The following SLC12A2 variants were observed in gnomAD, a reference collection of about 807,000 sequenced individuals.
SLC12A2 encodes the protein solute carrier family 12 member 2.
In SLC12A2, 67 loss-of-function variants were observed where a neutral mutation model predicts 136.3. The observed-to-expected ratio is 0.49, with a 90% CI of 0.40 to 0.60. The LOEUF is 0.60. Ranked by LOEUF, SLC12A2 falls within the 20% of genes least tolerant of loss-of-function variation. SLC12A2 has a pLI of 0.00. For synonymous variants in SLC12A2, 619 were observed against 562.9 expected, an observed-to-expected ratio of 1.10 and a Z score of -1.41; for missense variants, 1,322 against 1,534.7, an observed-to-expected ratio of 0.86 and a Z score of 2.32.
chr5:128,126,173 C>A (rs1761787093), intron 4 of SLC12A2, among the ~76,000 whole-genome samples: 2 of 151,912 alleles, frequency 1.3e-5, no homozygotes, highest in South Asian at 4.2e-4. Context: ...CAATTTCTGC[C>A]CAAAAAATTG....
chr5:128,115,675 A>G (rs1476273682), intron 4 of SLC12A2, among the ~76,000 whole-genome samples: 1 of 152,194 alleles, frequency 6.6e-6, no homozygotes, highest in Non-Finnish European at 1.5e-5. Flanking sequence ...AGCACCTGTA[A>G]AGTCATGGTA....
intron 24 of SLC12A2, 78 bp downstream of exon 24, chr5:128,183,019 G>C: frequency 1.1e-6 from 1 of 875,844 alleles, no homozygotes; most frequent in Non-Finnish European, 1.8e-6. Context: ...AAAACCCAGA[G>C]ATTTTTTTCC....
chr5:128,153,654 T>C (rs746329460), intron 15 of SLC12A2, among the ~76,000 whole-genome samples: 4 of 152,226 alleles, frequency 2.6e-5, no homozygotes, highest in Non-Finnish European at 5.9e-5. Flanking sequence ...GGCTTCTGCA[T>C]GATAAACACA....
At chr5:128,107,779 G>T (rs1018239256) in intron 1 of SLC12A2, among the ~76,000 whole-genome samples, 1 of 152,142 alleles carries the variant, frequency 6.6e-6, no homozygotes, top group African/African-American at 2.4e-5. Flanking sequence ...ATAGTAGAAT[G>T]ATTTATAATC....
chr5:128,131,147 G>C lies in SLC12A2; in HGVS notation c.1129G>C (p.Ala377Pro). Residue 377 changes from alanine (A) to proline (P), a missense_variant, in exon 5 of 27, where the codon GCT (alanine) becomes CCT (proline). By Grantham distance (27) the Ala-to-Pro change is conservative. This residue lies in a region of SLC12A2 where 71 missense variants were observed against 131.0 expected (regional missense o/e 0.54). Coordinates refer to ENST00000262461, the MANE Select transcript of SLC12A2 (RefSeq NM_001046.3). ...TGGTCTAATCTTCGCCTTTGCCAAC[G>C]CTGTTGCAGTTGCTATGTATGTGGT... The part of the protein sequence containing the change: ...AIGLIFAFAN[A>P]VAVAMYVVGF... 6.2e-7 allele frequency: 1 copy of C among 1,614,096 alleles called. No individual in the cohort carries two copies. Among genetic ancestry groups the C allele is most frequent in the African/African-American group, 1.3e-5 (1 of 75,034 alleles).
At chr5:128,176,876 T>G (rs1157043565) in intron 20 of SLC12A2, among the ~76,000 whole-genome samples, 1 of 152,038 alleles carries the variant, frequency 6.6e-6, no homozygotes, top group Non-Finnish European at 1.5e-5. Flanking sequence ...TTACAGAAAT[T>G]AAATTTAGGG....
At chr5:128,101,618 T>G (rs751337086) in intron 1 of SLC12A2, among the ~76,000 whole-genome samples, 1 of 152,222 alleles carries the variant, frequency 6.6e-6, no homozygotes, top group Non-Finnish European at 1.5e-5. Context: ...TGGCTGTCAT[T>G]AACCATTATT....
intron 10 of SLC12A2, 118 bp from the exon 11 acceptor site, chr5:128,147,504 T>C: frequency 1.6e-6 from 1 of 610,556 alleles, no homozygotes; most frequent in South Asian, 2.1e-5. Context: ...TTGTTGTTAT[T>C]ATTATTATAA....
rs1348076646 is a variant in SLC12A2 at position 128,188,329 on chromosome 5, T to A, written c.*1698T>A. The A allele has an allele frequency of 7.6e-6, 1 of 130,942 alleles. No homozygotes were observed. The highest frequency in any genetic ancestry group is 1.5e-5 in the Non-Finnish European group (1 of 64,652). 8.1% of individuals were successfully genotyped at this position (130,942 alleles called of 1,614,324 possible). ...TTTTTTTTTTGAGACGGAGTCTTGCTCTGTTGCCACGCTGGAATGCAGTAA... is the reference window on the plus strand; with the variant it reads ...TTTTTTTTTTGAGACGGAGTCTTGCACTGTTGCCACGCTGGAATGCAGTAA... On this transcript the variant is annotated 3_prime_UTR_variant, in exon 27 of 27. Coordinates refer to ENST00000262461, the MANE Select transcript of SLC12A2 (RefSeq NM_001046.3).
intron 17 of SLC12A2, among the ~76,000 whole-genome samples, chr5:128,166,434 C>T (rs74327266): frequency 0.099 from 15,072 of 151,852 alleles, 1,112 homozygotes; most frequent in East Asian, 0.24. Context: ...ACAAAAGCGT[C>T]TCCCAACAGA....
chr5:128,161,563 C>T (rs914164570), intron 16 of SLC12A2, 97 bp from the exon 17 acceptor site: 1 of 649,482 alleles, frequency 1.5e-6, no homozygotes, highest in Non-Finnish European at 2.2e-6. Context: ...TACATTTAGT[C>T]ACCTGTTTCA....
intron 18 of SLC12A2, chr5:128,168,091 C>T (rs1017081113): frequency 1.4e-4 from 48 of 335,784 alleles, no homozygotes; most frequent in East Asian, 4.3e-4. Flanking sequence ...TATATATACA[C>T]ACACACACAC....
chr5:128,084,887 C>T lies in SLC12A2; in HGVS notation c.756+177C>T, dbSNP rs1380675965. ...GCCGAGGAATGTTAACTTAATCTCT[C>T]AAAAGTTTGTAGCGGGTTTGGCTAG... On this transcript the variant is annotated intron_variant, in intron 1 of 26. Coordinates refer to ENST00000262461, the MANE Select transcript of SLC12A2 (RefSeq NM_001046.3). The surrounding 1 kb of genome is among the most constrained non-coding windows in gnomAD (Gnocchi z 5.6). Among the ~76,000 whole-genome samples the T allele has an allele frequency of 6.6e-6, 1 of 151,472 alleles. No homozygotes were observed. Among genetic ancestry groups the T allele is most frequent in the African/African-American group, 2.4e-5 (1 of 41,144 alleles).
intron 17 of SLC12A2, among the ~76,000 whole-genome samples, chr5:128,165,515 A>G (rs939041999): frequency 1.1e-4 from 16 of 152,322 alleles, no homozygotes; most frequent in African/African-American, 3.4e-4. Context: ...ATTTCCGATC[A>G]CTTAGTAAAG....
chr5:128,110,790 G>C, intron 1 of SLC12A2: 1 of 1,477,248 alleles, frequency 6.8e-7, no homozygotes, highest in Non-Finnish European at 9.5e-7. Flanking sequence ...AGGCCAAAAA[G>C]ATAGCAAAAG....
At chr5:128,184,887 C>CTAA in intron 26 of SLC12A2, 31 bp downstream of exon 26, 2 of 1,508,534 alleles carry the variant, frequency 1.3e-6, no homozygotes, top group Non-Finnish European at 1.8e-6. Flanking sequence ...GATTTTCTTG[C>CTAA]TAATTTATGA....
At chr5:128,118,564 C>T (rs922744015) in intron 4 of SLC12A2, among the ~76,000 whole-genome samples, 2 of 151,876 alleles carry the variant, frequency 1.3e-5, no homozygotes, top group Admixed American at 6.6e-5. Flanking sequence ...TTTGGGGATG[C>T]GGGTGGAAGG....
intron 4 of SLC12A2, among the ~76,000 whole-genome samples, chr5:128,129,781 A>G (rs770167419): frequency 2.6e-5 from 4 of 152,210 alleles, no homozygotes; most frequent in Non-Finnish European, 2.9e-5. Context: ...TAACTTCAGT[A>G]GTATTAAAAC....
At chr5:128,098,994 G>A (rs1760646834) in intron 1 of SLC12A2, among the ~76,000 whole-genome samples, 1 of 152,172 alleles carries the variant, frequency 6.6e-6, no homozygotes, top group Non-Finnish European at 1.5e-5. Flanking sequence ...CAGTTAAAAA[G>A]CAGCAAAGTC....
Sources: gnomAD v4.1 joint callset for allele counts (sites outside exome capture counted in the v4.1 genomes callset) on GRCh38, gnomAD v4.1.1 for gene constraint, gnomAD v4.1.1 regional missense constraint, Gnocchi (gnomAD v3.1) non-coding constraint, MANE v1.5 for transcripts, NCBI Gene and HGNC (gene_info 2026-07-23, HGNC 2026-07-21) for gene names.